Variants in ACP4 observed in about 807,000 individuals in gnomAD.
ACP4 encodes acid phosphatase 4, also known as testicular acid phosphatase.
Under a neutral mutation model 47.3 loss-of-function variants are expected in ACP4, and 49 were observed. The ratio of observed to expected loss-of-function variants is 1.04; its 90% CI spans 0.82 to 1.32. The LOEUF (loss-of-function observed/expected upper bound fraction) is 1.32. Ranked by LOEUF, ACP4 falls within the 40% of genes most tolerant of loss-of-function variation. The probability of loss-of-function intolerance (pLI) is 0.00; values close to 1 mark genes in which losing one functional copy is unlikely to be tolerated. For synonymous variants in ACP4, 299 were observed against 265.3 expected, an observed-to-expected ratio of 1.13 and a Z score of -1.23; for missense variants, 594 against 579.3, an observed-to-expected ratio of 1.03 and a Z score of -0.26.
chr19:50,792,053 T>C lies in ACP4; in HGVS notation c.451-20T>C, dbSNP rs1694634836. 1.3e-6 allele frequency: 2 copies of C among 1,558,218 alleles called. No individual in the cohort carries two copies. The highest frequency in any genetic ancestry group is 1.7e-6 in the Non-Finnish European group (2 of 1,151,078). ...AGGCAAGGCACACGGCTGTCCTCTC[T>C]GAGACTCAGTTTTCCCCAGCTGCTG... On this transcript the variant is annotated intron_variant, in intron 4 of 10. Transcript: ENST00000270593.
At position 50,791,970 on chromosome 19, in the gene ACP4, C is replaced by G; in HGVS notation, c.451-103C>G. 4 of 1,461,106 alleles carry G rather than the reference C, an allele frequency of 2.7e-6. No individual in the cohort carries two copies. In the South Asian group the frequency reaches 5.4e-5, roughly 20 times the overall value. The allele number at this position is 1,461,106 out of a possible 1,614,324, so 90.5% of individuals were successfully genotyped here. The stretch of plus-strand genomic sequence containing the variant: ...GCTGCTCTCCTGGATCTGGGAGAAA[C>G]TGCGACAAAGACGCAGGGGCCGAGA... On this transcript the variant is annotated intron_variant, in intron 4 of 10. Coordinates refer to ENST00000270593, the MANE Select transcript of ACP4 (RefSeq NM_033068.3).
Position 50,790,698 on chromosome 19 carries a change from G to C in ACP4, c.216G>C (p.Thr72=). 1 of 1,545,630 alleles carries C rather than the reference G, an allele frequency of 6.5e-7. No individual in the cohort carries two copies. The highest frequency in any genetic ancestry group is 2.0e-5 in the Admixed American group (1 of 51,128). Residue 72 remains threonine, a splice_region_variant and synonymous_variant, in exon 2 of 11, where the codon ACG becomes ACC. Transcript: ENST00000270593. ...LWPRGLGQLT[T]EGVRQQLELG... ...CACGAGGCCTGGGCCAGCTGACCACGGTGAGAAGCGGGTAGGCGGTGAGGG... is the reference window on the plus strand; with the variant it reads ...CACGAGGCCTGGGCCAGCTGACCACCGTGAGAAGCGGGTAGGCGGTGAGGG...
chr19:50,793,809 G>A lies in ACP4; in HGVS notation c.771G>A (p.Leu257=). 3 of 1,614,026 alleles carry A rather than the reference G, an allele frequency of 1.9e-6. No individual in the cohort carries two copies. The highest frequency in any genetic ancestry group is 2.5e-6 in the Non-Finnish European group (3 of 1,180,034). ...CCCGGGCAGCAGAGAAGGCCCAGCT[G>A]ACAGGGGGTGAGGTGTGGGTCTGGG... is the stretch of plus-strand genomic sequence containing the variant. The part of the protein sequence containing the change: ...GPPRAAEKAQ[L]TGGILLNAIL... Residue 257 remains leucine, a synonymous_variant, in exon 7 of 11, where the codon CTG becomes CTA. Coordinates refer to ENST00000270593, the MANE Select transcript of ACP4 (RefSeq NM_033068.3).
chr19:50,794,932 G>A lies in ACP4; in HGVS notation c.1133G>A (p.Cys378Tyr). ...PARPPAHGVS[C>Y]HGPYEAAIPP... is the part of the protein sequence containing the mutation. ...CGGCCTCCCGCCCATGGGGTCTCCT[G>A]CCATGGCCCCTATGAGGCTGCCATC... The change falls in exon 10 of 11, where the codon TGC becomes TAC. Residue 378 changes from cysteine (C) to tyrosine (Y), a missense_variant. By Grantham distance (194) the Cys-to-Tyr change is radical. Transcript: ENST00000270593. The A allele has an allele frequency of 6.2e-7, 1 of 1,613,244 alleles. No homozygotes were observed. Among genetic ancestry groups the A allele is most frequent in the African/African-American group, 1.3e-5 (1 of 75,052 alleles).
chr19:50,792,774 C>T (rs1318860798), intron 6 of ACP4: 1 of 154,346 alleles, frequency 6.5e-6, no homozygotes, highest in African/African-American at 2.4e-5. Flanking sequence ...CTCCATCTCC[C>T]TGGCTATAGG....
intron 9 of ACP4, 102 bp downstream of exon 9, chr19:50,794,683 G>C: frequency 6.3e-7 from 1 of 1,595,872 alleles, no homozygotes; most frequent in Non-Finnish European, 8.5e-7. Flanking sequence ...AGCTGCATGG[G>C]ATGATGCTGG....
rs1568465852 is a variant in ACP4, at chr19:50,794,497, T to C, written c.902T>C (p.Leu301Pro). The C allele has an allele frequency of 1.2e-6, 2 of 1,613,744 alleles. No homozygotes were observed. The highest frequency in any genetic ancestry group is 1.7e-6 in the Non-Finnish European group (2 of 1,179,980). Residue 301 changes from leucine (L) to proline (P), a missense_variant, in exon 9 of 11, where the codon CTC becomes CCC. Transcript: ENST00000270593. ...CTGGCCCTCCAGGGGGCCCTGGGCC[T>C]CTATGATGGACACACCCCGCCATAT... ...TLLALQGALG[L>P]YDGHTPPYAA...
At position 50,790,528 on chromosome 19, in the gene ACP4, G is replaced by A. The variant is rs1028266807; in HGVS notation, c.111+3G>A. ...GACCCCTGGTGTTCGTGGCTCTGGT[G>A]AGGCGCCCCCACCCCGGCCTGCCCT... On this transcript the variant is annotated splice_donor_region_variant and intron_variant, in intron 1 of 10. Coordinates refer to ENST00000270593, the MANE Select transcript of ACP4 (RefSeq NM_033068.3). The A allele has an allele frequency of 1.9e-6, 3 of 1,544,176 alleles. No homozygotes were observed. Among genetic ancestry groups the A allele is most frequent in the Non-Finnish European group, 1.7e-6 (2 of 1,144,496 alleles).
Position 50,793,870 on chromosome 19 carries a change from C to T in ACP4, c.779-18C>T, listed in dbSNP as rs1055695148. 8 of 1,614,038 alleles carry T rather than the reference C, an allele frequency of 5.0e-6. No homozygotes were observed. Among genetic ancestry groups the T allele is most frequent in the South Asian group, 3.3e-5 (3 of 91,092 alleles). ...GCCTTCCTCTGGGAGAGTCTAAGCT[C>T]TTTTTTCCCATCCTCAGGGATCCTG... On this transcript the variant is annotated intron_variant, in intron 7 of 10. Coordinates refer to ENST00000270593, the MANE Select transcript of ACP4 (RefSeq NM_033068.3).
At chr19:50,791,956 G>A (rs1432194662) in intron 4 of ACP4, 117 bp from the exon 5 acceptor site, 3 of 1,450,444 alleles carry the variant, frequency 2.1e-6, no homozygotes, top group Admixed American at 4.5e-5. Context: ...CTGCTCTCCT[G>A]GATCTGGGAG....
rs199711613 is a variant in ACP4, at chr19:50,794,443, G to A, written c.862-14G>A. 1.1e-5 allele frequency: 18 copies of A among 1,612,908 alleles called. No homozygotes were observed. Among genetic ancestry groups the A allele is most frequent in the Middle Eastern group, 3.4e-4 (2 of 5,960 alleles). ...AGAGAGAAGTGCCGTCTCAGCCCTC[G>A]GGTCCACCTGCAGCATGACAGCACC... On this transcript the variant is annotated splice_polypyrimidine_tract_variant and intron_variant, in intron 8 of 10. Coordinates refer to ENST00000270593, the MANE Select transcript of ACP4 (RefSeq NM_033068.3).
At position 50,795,025 on chromosome 19, in the gene ACP4, C is replaced by A. The variant is rs182291219; in HGVS notation, c.1166-18C>A. ...TTGCCAAGTCCTGGCACTCACCCCCCGCGTGTTCTCCCTGCAGCTCCAGTG... is the reference window on the plus strand; with the variant it reads ...TTGCCAAGTCCTGGCACTCACCCCCAGCGTGTTCTCCCTGCAGCTCCAGTG... On this transcript the variant is annotated intron_variant, in intron 10 of 10. Transcript: ENST00000270593. 3.7e-6 allele frequency: 6 copies of A among 1,612,432 alleles called. No individual in the cohort carries two copies. The Admixed American group carries it at 5.0e-5, about 13-fold the overall frequency.
intron 6 of ACP4, 152 bp from the exon 7 acceptor site, chr19:50,793,532 C>A (rs266126): frequency 0.09 from 106,220 of 1,176,174 alleles, 5,651 homozygotes; most frequent in African/African-American, 0.23. Flanking sequence ...AAAACAACAA[C>A]AAAAAAACAC....
At chr19:50,793,512 T>G in intron 6 of ACP4, 172 bp from the exon 7 acceptor site, 1 of 1,018,042 alleles carries the variant, frequency 9.8e-7, no homozygotes, top group Non-Finnish European at 1.4e-6. Flanking sequence ...AAGGCTCCGT[T>G]TCAAAACAAA....
Position 50,794,870 on chromosome 19 carries a change from T to A in ACP4, c.1071T>A (p.Cys357Ter), listed in dbSNP as rs1490820345. The change falls in exon 10 of 11, where the codon TGT becomes TGA. Residue 357 changes from cysteine (C) to a stop codon, truncating the protein, a stop_gained. Coordinates refer to ENST00000270593, the MANE Select transcript of ACP4 (RefSeq NM_033068.3). LOFTEE classifies it high-confidence loss of function. ...PLSLPGCPAP[C>*]PLGRFYQLTA... ...GCCTCCCCGGGTGCCCGGCCCCCTG[T>A]CCACTAGGCCGCTTCTACCAGCTGA... 6.2e-7 allele frequency: 1 copy of A among 1,613,632 alleles called. No individual in the cohort carries two copies. Among genetic ancestry groups the A allele is most frequent in the Non-Finnish European group, 8.5e-7 (1 of 1,179,944 alleles).
rs147927697 is a variant in ACP4 at position 50,790,421 on chromosome 19, G to A, written c.7G>A (p.Gly3Ser). MA[G>S]LGFWGHPAGP... ...GCGTCTGGGCTGGGTGGAAATGGCC[G>A]GCCTGGGGTTTTGGGGCCACCCTGC... The change falls in exon 1 of 11, where the codon GGC becomes AGC. Residue 3 changes from glycine (G) to serine (S), a missense_variant. By Grantham distance (56) the Gly-to-Ser change is moderately conservative. Coordinates refer to ENST00000270593, the MANE Select transcript of ACP4 (RefSeq NM_033068.3). 2.1e-4 allele frequency: 331 copies of A among 1,585,192 alleles called. 1 individual carries two copies. The highest frequency in any genetic ancestry group is 2.5e-4 in the Non-Finnish European group (293 of 1,169,178).
intron 6 of ACP4, 78 bp from the exon 7 acceptor site, chr19:50,793,606 C>A: frequency 1.3e-6 from 2 of 1,563,754 alleles, no homozygotes; most frequent in Non-Finnish European, 8.7e-7. Context: ...CTCAGAAGAG[C>A]AGGGGGCAGC....
rs370436321 is a variant in ACP4, at chr19:50,795,207, T to A, written c.*49T>A. On this transcript the variant is annotated 3_prime_UTR_variant, in exon 11 of 11. Coordinates refer to ENST00000270593, the MANE Select transcript of ACP4 (RefSeq NM_033068.3). The stretch of plus-strand genomic sequence containing the variant: ...CCCCAGCTGACACTGGACCCCAACA[T>A]GTATGCTCAGTAGCTGCTCTGGCTT... 6 of 1,458,360 alleles carry A rather than the reference T, an allele frequency of 4.1e-6. No homozygotes were observed. 90.3% of individuals were successfully genotyped at this position (1,458,360 alleles called of 1,614,324 possible).
intron 6 of ACP4, chr19:50,793,462 C>T: frequency 1.6e-6 from 1 of 607,276 alleles, no homozygotes. Context: ...TTGCAGACAG[C>T]CAAGATTGCG....
Sources: gnomAD v4.1 joint callset for allele counts on GRCh38, gnomAD v4.1.1 for gene constraint, MANE v1.5 for transcripts, NCBI Gene and HGNC (gene_info 2026-07-23, HGNC 2026-07-21) for gene names.